The following PDE4D variants were observed in gnomAD, a reference collection of about 807,000 sequenced individuals.
The protein encoded by PDE4D is phosphodiesterase 4D.
PDE4D carries 24 observed loss-of-function variants against 87.4 expected under a neutral mutation model. That is an observed-to-expected ratio of 0.27 (90% CI 0.20 to 0.39). The LOEUF (loss-of-function observed/expected upper bound fraction) is 0.39. Among genes scored for constraint, PDE4D ranks in the 10% least tolerant of loss-of-function variants. The pLI is 1.00. For missense variants in PDE4D, 714 were observed against 1,041.0 expected, an observed-to-expected ratio of 0.69 and a Z score of 4.32; for synonymous variants, 384 against 383.2, an observed-to-expected ratio of 1.00 and a Z score of -0.02.
intron 1 of PDE4D, among the ~76,000 whole-genome samples, chr5:59,563,724 T>C (rs981164811): frequency 6.6e-6 from 1 of 152,182 alleles, no homozygotes; most frequent in African/African-American, 2.4e-5. Context: ...CTAAGAAGTC[T>C]GTCTGTATAA....
intron 6 of PDE4D, among the ~76,000 whole-genome samples, chr5:59,014,261 G>A (rs10155627): frequency 0.1 from 15,344 of 152,090 alleles, 1,038 homozygotes; most frequent in Non-Finnish European, 0.13. Context: ...TTCTCTCACC[G>A]CTCCTATTCA....
chr5:60,253,051 C>T (rs1748650163), intron 1 of PDE4D, among the ~76,000 whole-genome samples: 1 of 151,844 alleles, frequency 6.6e-6, no homozygotes, highest in Non-Finnish European at 1.5e-5. Flanking sequence ...GCAACGGTCA[C>T]TATTAGTTAT....
At chr5:60,280,537 A>C (rs1751797995) in intron 1 of PDE4D, among the ~76,000 whole-genome samples, 1 of 152,190 alleles carries the variant, frequency 6.6e-6, no homozygotes. Context: ...AAATAAAACA[A>C]GAGAGTAAGA....
intron 1 of PDE4D, among the ~76,000 whole-genome samples, chr5:59,500,192 G>A (rs2153663999): frequency 8.1e-6 from 1 of 123,320 alleles, no homozygotes; most frequent in South Asian, 2.3e-4. Context: ...GTGGAAAACA[G>A]TTTGGAGATT....
chr5:59,260,946 A>C (rs1359994670), intron 1 of PDE4D, among the ~76,000 whole-genome samples: 2 of 151,624 alleles, frequency 1.3e-5, no homozygotes, highest in Non-Finnish European at 3.0e-5. Context: ...CCAAAAAAAA[A>C]AAAAAAGCAG....
intron 2 of PDE4D, among the ~76,000 whole-genome samples, chr5:60,004,585 T>C (rs1175433353): frequency 1.3e-5 from 2 of 152,124 alleles, no homozygotes; most frequent in Non-Finnish European, 2.9e-5. Context: ...GTGTACCTGA[T>C]ATGTTCAAAA....
intron 5 of PDE4D, among the ~76,000 whole-genome samples, chr5:59,089,259 C>T (rs1034117126): frequency 6.6e-5 from 10 of 151,034 alleles, no homozygotes; most frequent in Non-Finnish European, 1.3e-4. Context: ...ATATGTGAAT[C>T]CAGGTCAGTA....
At chr5:59,451,686 C>T (rs1322794944) in intron 1 of PDE4D, among the ~76,000 whole-genome samples, 1 of 152,236 alleles carries the variant, frequency 6.6e-6, no homozygotes, top group Non-Finnish European at 1.5e-5. Flanking sequence ...CAGATAAGCT[C>T]ACTTTCCTCC....
At chr5:60,187,189 G>C (rs1471920959) in intron 1 of PDE4D, among the ~76,000 whole-genome samples, 2 of 152,188 alleles carry the variant, frequency 1.3e-5, no homozygotes, top group African/African-American at 4.8e-5. Context: ...CTGTTTCTCT[G>C]AGTGTGTATG....
intron 3 of PDE4D, among the ~76,000 whole-genome samples, chr5:59,946,148 A>G (rs1757702888): frequency 6.6e-6 from 1 of 152,186 alleles, no homozygotes; most frequent in Non-Finnish European, 1.5e-5. Flanking sequence ...GCTTGGGGGC[A>G]GTATTCTGGT....
At chr5:59,999,553 T>TAAA (rs1763840215) in intron 2 of PDE4D, among the ~76,000 whole-genome samples, 1 of 133,720 alleles carries the variant, frequency 7.5e-6, no homozygotes, top group African/African-American at 2.9e-5. Flanking sequence ...AAAACAAAAC[T>TAAA]GGAGAGGCTC....
rs1394829096 is a variant in PDE4D at position 58,975,966 on chromosome 5, C to CCAAA, written c.1831-131_1831-128dup. The CCAAA allele has an allele frequency of 1.6e-5, 11 of 691,640 alleles. No homozygotes were observed. The highest frequency in any genetic ancestry group is 1.8e-5 in the African/African-American group (1 of 54,586). The allele number at this position is 691,640 out of a possible 1,614,324, so 42.8% of individuals were successfully genotyped here. A position where few individuals can be genotyped will look rare whatever the true frequency, so the allele number is the denominator to read the frequency against. ...AAATACACGTAGTGTAAGATTTATT[C>CCAAA]CAAACAGCTCAACCATGATGTGTCT... On this transcript the variant is annotated intron_variant, in intron 13 of 14. Transcript: ENST00000340635. The surrounding 1 kb of genome is among the most constrained non-coding windows in gnomAD (Gnocchi z 4.2).
In PDE4D at chr5:59,286,108, G is replaced by A. The variant is rs747518397; in HGVS notation, c.456-70140C>T. Among the ~76,000 whole-genome samples, 8 of 152,224 alleles carry A rather than the reference G, an allele frequency of 5.3e-5. No individual in the cohort carries two copies. In the East Asian group the frequency reaches 7.7e-4, roughly 15 times the overall value. ...TATCCATGTACTGGATGAGAGGACCGAAGGGCACTAAGTGCTTCCCCTACA... is the reference window on the plus strand; with the variant it reads ...TATCCATGTACTGGATGAGAGGACCAAAGGGCACTAAGTGCTTCCCCTACA... On this transcript the variant is annotated intron_variant, in intron 1 of 14. Coordinates refer to ENST00000340635, the MANE Select transcript of PDE4D (RefSeq NM_001104631.2).
At chr5:60,295,468 G>A (rs543021618) in intron 1 of PDE4D, among the ~76,000 whole-genome samples, 1 of 152,288 alleles carries the variant, frequency 6.6e-6, no homozygotes, top group Admixed American at 6.5e-5. Context: ...TATGATGTGA[G>A]CTGTTGGGCT....
At chr5:60,025,606 T>C (rs1264084111) in intron 2 of PDE4D, among the ~76,000 whole-genome samples, 2 of 152,160 alleles carry the variant, frequency 1.3e-5, no homozygotes, top group Non-Finnish European at 2.9e-5. Flanking sequence ...GGTAAAATTC[T>C]AATATAATGA....
intron 1 of PDE4D, among the ~76,000 whole-genome samples, chr5:59,865,950 C>T (rs1746967353): frequency 6.6e-6 from 1 of 152,210 alleles, no homozygotes; most frequent in Non-Finnish European, 1.5e-5. Flanking sequence ...CGCTTTGCCT[C>T]CAGCACTGTT....
chr5:59,174,866 T>C (rs982617974), intron 5 of PDE4D, among the ~76,000 whole-genome samples: 15 of 152,188 alleles, frequency 9.9e-5, no homozygotes, highest in African/African-American at 3.6e-4. Flanking sequence ...AGTTTTTTCA[T>C]CTTTAAAATA....
At chr5:59,948,117 G>A (rs941012902) in intron 3 of PDE4D, among the ~76,000 whole-genome samples, 3 of 152,314 alleles carry the variant, frequency 2.0e-5, no homozygotes, top group South Asian at 2.1e-4. Context: ...GCTTACTAGC[G>A]AGTGTAGTTA....
chr5:59,775,249 T>C (rs2152615720), intron 1 of PDE4D, among the ~76,000 whole-genome samples: 1 of 152,308 alleles, frequency 6.6e-6, no homozygotes, highest in South Asian at 2.1e-4. Context: ...CTGGGTTTTA[T>C]TTCAGTGAGA....
Sources: allele counts gnomAD v4.1 joint callset (sites outside exome capture counted in the v4.1 genomes callset), GRCh38; gene constraint gnomAD v4.1.1; non-coding constraint Gnocchi (gnomAD v3.1); transcripts MANE v1.5; gene names NCBI Gene and HGNC (gene_info 2026-07-23, HGNC 2026-07-21).